MYO9A: variants seen among roughly 807,000 people sequenced by gnomAD.
MYO9A encodes myosin IXA.
MYO9A carries 103 observed loss-of-function variants against 293.3 expected under a neutral mutation model. The ratio of observed to expected loss-of-function variants is 0.35; its 90% CI spans 0.30 to 0.41. The LOEUF (loss-of-function observed/expected upper bound fraction) is 0.41, where lower values mean the gene tolerates loss of function less well. MYO9A is among the 10% of genes least tolerant of loss of function. The probability of loss-of-function intolerance (pLI) is 1.00; values close to 1 mark genes in which losing one functional copy is unlikely to be tolerated. For missense variants in MYO9A, 2,685 were observed against 3,033.0 expected (o/e 0.89, Z 2.69); for synonymous variants, 1,001 against 1,035.7 (o/e 0.97, Z 0.64).
At chr15:71,915,148 C>T (rs1490339929) in intron 19 of MYO9A, among the ~76,000 whole-genome samples, 2 of 151,906 alleles carry the variant, frequency 1.3e-5, no homozygotes, top group Admixed American at 6.6e-5. Context: ...ACTTATATTA[C>T]TCAACATGAT....
chr15:72,027,621 C>T (rs972049575), intron 4 of MYO9A, 110 bp downstream of exon 4: 1 of 793,488 alleles, frequency 1.3e-6, no homozygotes. Context: ...ATGCATAAAG[C>T]TATGCATGAC....
At chr15:72,052,634 C>T (rs1477163966) in intron 1 of MYO9A, among the ~76,000 whole-genome samples, 3 of 152,352 alleles carry the variant, frequency 2.0e-5, no homozygotes, top group African/African-American at 4.8e-5. Context: ...TGGGGCTCTA[C>T]GGTTCCTGGC....
Position 71,848,834 on chromosome 15 carries a change from T to C in MYO9A, c.6837+11A>G, listed in dbSNP as rs771482291. On this transcript the variant is annotated intron_variant, in intron 39 of 41. Transcript: ENST00000356056. ...TCCCATTTTTCCACTATTCCATGTGTTGCATCTTACCATTGATCTACGAAT... is the reference window on the plus strand; with the variant it reads ...TCCCATTTTTCCACTATTCCATGTGCTGCATCTTACCATTGATCTACGAAT... The C allele has an allele frequency of 6.3e-7, 1 of 1,599,658 alleles. No homozygotes were observed. The highest frequency in any genetic ancestry group is 8.5e-7 in the Non-Finnish European group (1 of 1,175,892).
chr15:71,946,549 C>T (rs1319388362), intron 15 of MYO9A, among the ~76,000 whole-genome samples: 2 of 152,162 alleles, frequency 1.3e-5, no homozygotes, highest in Non-Finnish European at 2.9e-5. Context: ...TAGGTAATAG[C>T]TTTGTGTCTT....
chr15:72,100,855 G>A (rs1305332687), intron 1 of MYO9A, among the ~76,000 whole-genome samples: 23 of 150,212 alleles, frequency 1.5e-4, no homozygotes, highest in East Asian at 1.4e-3. Context: ...CAGCCGCCCC[G>A]TCCGGGAGGG....
intron 19 of MYO9A, among the ~76,000 whole-genome samples, 155 bp downstream of exon 19, chr15:71,916,215 T>C (rs769785330): frequency 2.6e-5 from 4 of 152,050 alleles, no homozygotes; most frequent in Non-Finnish European, 5.9e-5. Flanking sequence ...TTTTTTTTCA[T>C]CTTTGGTTCT....
intron 18 of MYO9A, among the ~76,000 whole-genome samples, chr15:71,920,214 T>C (rs1030468447): frequency 2.6e-5 from 4 of 152,194 alleles, no homozygotes; most frequent in Admixed American, 2.6e-4. Context: ...AATTAACCAG[T>C]TTATTATTTT....
chr15:72,085,339 G>A, intron 1 of MYO9A, among the ~76,000 whole-genome samples: 1 of 151,386 alleles, frequency 6.6e-6, no homozygotes, highest in Non-Finnish European at 1.5e-5. Flanking sequence ...GTTGCAGTGA[G>A]CCAAGATTGA....
intron 2 of MYO9A, among the ~76,000 whole-genome samples, chr15:72,041,841 C>T (rs1007473998): frequency 2.7e-5 from 4 of 148,506 alleles, no homozygotes; most frequent in African/African-American, 1.0e-4. Context: ...TTAGATTAAG[C>T]AAGTTTCTTG....
chr15:71,995,409 T>C (rs2076670040), intron 9 of MYO9A, among the ~76,000 whole-genome samples: 1 of 152,132 alleles, frequency 6.6e-6, no homozygotes, highest in East Asian at 1.9e-4. Context: ...CAGCAACAAT[T>C]CCCTCATTAT....
chr15:71,851,347 T>A lies in MYO9A; in HGVS notation c.6487A>T (p.Arg2163Trp). 2 of 1,613,150 alleles carry A rather than the reference T, an allele frequency of 1.2e-6. No homozygotes were observed. Among genetic ancestry groups the A allele is most frequent in the Non-Finnish European group, 1.7e-6 (2 of 1,179,412 alleles). Reference sequence around the variant, plus strand: ...TATACACCACGGATTGTCTCCTTCCTCTCCTGAAGGCCTAAAAACAGTAAG... The same window carrying A: ...TATACACCACGGATTGTCTCCTTCCACTCCTGAAGGCCTAAAAACAGTAAG... ...EFLRAMGLQE[R>W]KETIRGVYSV... The change falls in exon 37 of 42, where the codon AGG (arginine) becomes TGG (tryptophan). Residue 2163 changes from arginine (R) to tryptophan (W), a missense_variant. This residue lies in a region of MYO9A where 238 missense variants were observed against 269.1 expected (regional missense o/e 0.88). Coordinates refer to ENST00000356056, the MANE Select transcript of MYO9A (RefSeq NM_006901.4).
chr15:71,980,589 C>T (rs2076248197), intron 11 of MYO9A, among the ~76,000 whole-genome samples: 2 of 152,126 alleles, frequency 1.3e-5, no homozygotes. Flanking sequence ...AATTCCAATG[C>T]TTTGGGAGGC....
intron 32 of MYO9A, among the ~76,000 whole-genome samples, chr15:71,863,879 C>T (rs1013077590): frequency 6.6e-5 from 10 of 152,160 alleles, no homozygotes; most frequent in Non-Finnish European, 1.2e-4. Context: ...GATAGTAATA[C>T]GGCACCAAAA....
chr15:72,083,942 T>A lies in MYO9A; in HGVS notation c.-72+33738A>T, dbSNP rs986569127. Among the ~76,000 whole-genome samples the A allele has an allele frequency of 9.5e-4, 144 of 152,334 alleles. 2 individuals are homozygous for A. Among genetic ancestry groups the A allele is most frequent in the African/African-American group, 3.4e-3 (141 of 41,576 alleles). On this transcript the variant is annotated intron_variant, in intron 1 of 41. Coordinates refer to ENST00000356056, the MANE Select transcript of MYO9A (RefSeq NM_006901.4). ...GTGGTCAATTTCAGAGTATGTGCCA[T>A]GTGGTGATGAGAAGAATGTATATTC...
chr15:72,001,800 A>G (rs1486263232), intron 8 of MYO9A, among the ~76,000 whole-genome samples: 1 of 152,180 alleles, frequency 6.6e-6, no homozygotes, highest in East Asian at 1.9e-4. Context: ...AAAACGCAGT[A>G]AAGCCAAAAA....
At chr15:72,075,225 C>A (rs1393370073) in intron 1 of MYO9A, among the ~76,000 whole-genome samples, 2 of 151,900 alleles carry the variant, frequency 1.3e-5, no homozygotes, top group African/African-American at 4.8e-5. Flanking sequence ...CTCGGCTTCC[C>A]AAAGTGCTGG....
chr15:71,980,207 A>G (rs922631302), intron 11 of MYO9A, among the ~76,000 whole-genome samples: 9 of 152,180 alleles, frequency 5.9e-5, no homozygotes, highest in Non-Finnish European at 1.3e-4. Flanking sequence ...TCTTATGACC[A>G]TTTCCACACA....
chr15:71,990,912 A>C (rs2076527968), intron 11 of MYO9A, among the ~76,000 whole-genome samples, 191 bp downstream of exon 11: 1 of 152,356 alleles, frequency 6.6e-6, no homozygotes, highest in African/African-American at 2.4e-5. Context: ...TTACATAAAC[A>C]AAGAGGCAAC....
At chr15:72,010,109 T>C (rs181726165) in intron 7 of MYO9A, among the ~76,000 whole-genome samples, 1 of 152,276 alleles carries the variant, frequency 6.6e-6, no homozygotes, top group African/African-American at 2.4e-5. Flanking sequence ...CACCATAAAT[T>C]CCTGCATTTA....
Sources: allele counts gnomAD v4.1 joint callset (sites outside exome capture counted in the v4.1 genomes callset), GRCh38; gene constraint gnomAD v4.1.1; regional missense constraint gnomAD v4.1.1; transcripts MANE v1.5; gene names NCBI Gene and HGNC (gene_info 2026-07-23, HGNC 2026-07-21).